Variants in EP400 observed in about 807,000 individuals in gnomAD.
EP400 encodes the protein E1A binding protein p400.
A neutral mutation model predicts 354.1 loss-of-function variants in EP400; 105 were observed. The observed-to-expected ratio is 0.30, with a 90% confidence interval of 0.25 to 0.35. The LOEUF is 0.35. Among genes scored for constraint, EP400 ranks in the 10% least tolerant of loss-of-function variants. The probability of loss-of-function intolerance (pLI) is 1.00; values close to 1 mark genes in which losing one functional copy is unlikely to be tolerated. For synonymous variants in EP400, 1,646 were observed against 1,716.9 expected (o/e 0.96, Z 1.02); for missense variants, 3,280 against 4,121.0 (o/e 0.80, Z 5.59).
In EP400 at chr12:132,050,754, G is replaced by C; in HGVS notation, c.7394+99G>C. 2 of 1,448,506 alleles carry C rather than the reference G, an allele frequency of 1.4e-6. No individual in the cohort carries two copies. Among genetic ancestry groups the C allele is most frequent in the Non-Finnish European group, 9.7e-7 (1 of 1,034,642 alleles). The allele number at this position is 1,448,506 out of a possible 1,614,324, so 89.7% of individuals were successfully genotyped here. On this transcript the variant is annotated intron_variant, in intron 41 of 52. Transcript: ENST00000389561. The surrounding 1 kb of genome is among the most constrained non-coding windows in gnomAD (Gnocchi z 4.8). ...TTCAGCAAATCGTTGTGCACTTAGC[G>C]TGTTCAGGCATCAGCTGGACGTGGC...
At chr12:132,066,744 C>G (rs1895905501) in intron 48 of EP400, 30 bp from the exon 49 acceptor site, 2 of 1,598,788 alleles carry the variant, frequency 1.3e-6, no homozygotes, top group Non-Finnish European at 1.7e-6. Context: ...CTGAATTTCT[C>G]TGGACTCTCC....
chr12:132,004,794 C>T (rs974686907), intron 12 of EP400, among the ~76,000 whole-genome samples: 1 of 152,128 alleles, frequency 6.6e-6, no homozygotes, highest in African/African-American at 2.4e-5. Flanking sequence ...ATGTGTGTTG[C>T]ACCTACTAAG....
chr12:132,057,332 A>G (rs1177054593), intron 45 of EP400, among the ~76,000 whole-genome samples: 2 of 152,234 alleles, frequency 1.3e-5, no homozygotes, highest in East Asian at 3.8e-4. Context: ...CAAGCAATAC[A>G]AAAGAATGAA....
At chr12:131,953,663 C>T (rs1891595199) in intron 1 of EP400, among the ~76,000 whole-genome samples, 1 of 152,088 alleles carries the variant, frequency 6.6e-6, no homozygotes, top group South Asian at 2.1e-4. Flanking sequence ...GTAATGTGCC[C>T]TTTGGTGGGA....
At chr12:131,957,142 A>T (rs1891730256) in intron 1 of EP400, among the ~76,000 whole-genome samples, 1 of 152,140 alleles carries the variant, frequency 6.6e-6, no homozygotes, top group African/African-American at 2.4e-5. Flanking sequence ...AAGTGCTGGG[A>T]TTACAGGCAT....
chr12:131,977,782 A>C (rs1398007501), intron 2 of EP400, among the ~76,000 whole-genome samples: 1 of 152,032 alleles, frequency 6.6e-6, no homozygotes, highest in African/African-American at 2.4e-5. Flanking sequence ...CATATGCTGT[A>C]TTGTGGCTGA....
At chr12:132,066,668 G>C in intron 48 of EP400, 106 bp from the exon 49 acceptor site, 1 of 1,221,326 alleles carries the variant, frequency 8.2e-7, no homozygotes, top group Non-Finnish European at 1.2e-6. Context: ...AAACTTTGTT[G>C]ATCTTTGTAA....
intron 52 of EP400, among the ~76,000 whole-genome samples, chr12:132,077,185 T>A (rs1168765250): frequency 6.6e-6 from 1 of 152,240 alleles, no homozygotes; most frequent in Admixed American, 6.5e-5. Context: ...CCAAGAGGCA[T>A]CTGGTGTTAG....
At chr12:131,953,736 C>A (rs1684480757) in intron 1 of EP400, among the ~76,000 whole-genome samples, 1 of 152,188 alleles carries the variant, frequency 6.6e-6, no homozygotes, top group South Asian at 2.1e-4. Flanking sequence ...TGTTACGTGA[C>A]ATCTAGTGTT....
intron 15 of EP400, among the ~76,000 whole-genome samples, chr12:132,008,350 G>A (rs1486832457): frequency 2.0e-5 from 3 of 152,156 alleles, no homozygotes; most frequent in African/African-American, 4.8e-5. Context: ...AAAACTCGGT[G>A]CATCTCATGA....
rs1226408837 is a variant in EP400 at position 132,028,071 on chromosome 12, G to A, written c.5164G>A (p.Glu1722Lys). Residue 1722 changes from glutamate to lysine, a missense_variant, in exon 27 of 53, where the codon GAG (glutamate) becomes AAG (lysine). Coordinates refer to ENST00000389561, the MANE Select transcript of EP400 (RefSeq NM_015409.5). ...ERLDQIYLVN[E>K]RRCSQAPVYG... ...CCTGGATCAGATTTATTTAGTCAAC[G>A]AGCGGCGCTGTTCTCAAGCTCCAGT... 1.9e-6 allele frequency: 3 copies of A among 1,614,174 alleles called. No individual in the cohort carries two copies. Among genetic ancestry groups the A allele is most frequent in the Admixed American group, 1.7e-5 (1 of 60,022 alleles).
chr12:131,978,060 C>T (rs1212055944), intron 2 of EP400, among the ~76,000 whole-genome samples: 2 of 152,102 alleles, frequency 1.3e-5, no homozygotes, highest in African/African-American at 4.8e-5. Flanking sequence ...GGATGGTGAC[C>T]AGATGGAAAA....
chr12:132,025,483 G>T lies in EP400; in HGVS notation c.4856-163G>T, dbSNP rs1157875903. On this transcript the variant is annotated intron_variant, in intron 24 of 52. Transcript: ENST00000389561. This position sits in a 1 kb window ranked among gnomAD's most constrained non-coding sequence, Gnocchi z 4.1. Reference sequence around the variant, plus strand: ...GTGTCGTCATCCACTGTCGGTGATGGGTTGCCACTTTCCTCACAGTAACTG... The same window carrying T: ...GTGTCGTCATCCACTGTCGGTGATGTGTTGCCACTTTCCTCACAGTAACTG... Among the ~76,000 whole-genome samples, 3 of 152,178 alleles carry T rather than the reference G, an allele frequency of 2.0e-5. No individual in the cohort carries two copies. Among genetic ancestry groups the T allele is most frequent in the Non-Finnish European group, 2.9e-5 (2 of 68,032 alleles).
chr12:131,979,669 C>A (rs746687183), intron 2 of EP400, 25 bp from the exon 3 acceptor site: 1 of 1,594,216 alleles, frequency 6.3e-7, no homozygotes, highest in Non-Finnish European at 8.5e-7. Flanking sequence ...TGATCAAAAT[C>A]TCATTTTTTC....
Position 132,029,338 on chromosome 12 carries a change from T to C in EP400, c.5382-363T>C. The C allele has an allele frequency of 3.5e-6, 1 of 282,730 alleles. No homozygotes were observed. The highest frequency in any genetic ancestry group is 6.7e-6 in the Non-Finnish European group (1 of 148,854). 17.5% of individuals were successfully genotyped at this position (282,730 alleles called of 1,614,324 possible). A position where few individuals can be genotyped will look rare whatever the true frequency, so the allele number is the denominator to read the frequency against. Reference sequence around the variant, plus strand: ...CCTGGTGGCACAGTGGCTATAGCAGTTCTAGGGTCCACGAGACAGTGCACC... The same window carrying C: ...CCTGGTGGCACAGTGGCTATAGCAGCTCTAGGGTCCACGAGACAGTGCACC... On this transcript the variant is annotated intron_variant, in intron 27 of 52. Coordinates refer to ENST00000389561, the MANE Select transcript of EP400 (RefSeq NM_015409.5). The surrounding 1 kb of genome is among the most constrained non-coding windows in gnomAD (Gnocchi z 4.7).
chr12:131,959,470 A>G (rs1266637049), intron 1 of EP400, among the ~76,000 whole-genome samples: 3 of 152,202 alleles, frequency 2.0e-5, no homozygotes, highest in Non-Finnish European at 2.9e-5. Context: ...GTCTCACCAC[A>G]GGATTACCCT....
At chr12:132,051,003 T>C (rs1013844932) in intron 41 of EP400, 2 of 409,506 alleles carry the variant, frequency 4.9e-6, no homozygotes, top group African/African-American at 4.0e-5. Context: ...TCGCCATATC[T>C]TAAGAACACA....
intron 32 of EP400, among the ~76,000 whole-genome samples, chr12:132,042,503 T>G (rs1176995486): frequency 6.6e-6 from 1 of 152,182 alleles, no homozygotes; most frequent in Admixed American, 6.5e-5. Flanking sequence ...CTCCTCTATT[T>G]TCTTCTACAT....
chr12:132,052,989 G>A lies in EP400; in HGVS notation c.7395-157G>A, dbSNP rs572358347. ...GCTGAGGATGAGGTCTAGGTGGCTC[G>A]ATCTCCTGCAGGGCACATTGGGCAC... is the stretch of plus-strand genomic sequence containing the variant. On this transcript the variant is annotated intron_variant, in intron 41 of 52. Transcript: ENST00000389561. The surrounding 1 kb of genome is among the most constrained non-coding windows in gnomAD (Gnocchi z 4.4). 2.0e-5 allele frequency among the ~76,000 whole-genome samples: 3 copies of A among 152,246 alleles called. No individual in the cohort carries two copies. Among genetic ancestry groups the A allele is most frequent in the South Asian group, 2.1e-4 (1 of 4,824 alleles).
Sources: gnomAD v4.1 joint callset for allele counts (sites outside exome capture counted in the v4.1 genomes callset) on GRCh38, gnomAD v4.1.1 for gene constraint, Gnocchi (gnomAD v3.1) non-coding constraint, MANE v1.5 for transcripts, NCBI Gene and HGNC (gene_info 2026-07-23, HGNC 2026-07-21) for gene names.